RALB: variants seen among roughly 807,000 people sequenced by gnomAD.
RALB encodes the protein ras-related protein Ral-B.
A neutral mutation model predicts 21.3 loss-of-function variants in RALB; 16 were observed. The observed-to-expected ratio is 0.75, with a 90% CI of 0.51 to 1.14. The LOEUF (loss-of-function observed/expected upper bound fraction) is 1.14, where lower values mean the gene tolerates loss of function less well. RALB is among the 50% of genes most tolerant of loss of function. RALB has a pLI of 0.00. For synonymous variants in RALB, 93 were observed against 96.1 expected, an observed-to-expected ratio of 0.97 and a Z score of 0.19; for missense variants, 161 against 256.2, an observed-to-expected ratio of 0.63 and a Z score of 2.54.
At chr2:120,285,536 T>A (rs1690109247) in intron 2 of RALB, among the ~76,000 whole-genome samples, 1 of 151,512 alleles carries the variant, frequency 6.6e-6, no homozygotes, top group Non-Finnish European at 1.5e-5. Flanking sequence ...AACCTGCACA[T>A]TGTGCATATG....
intron 1 of RALB, among the ~76,000 whole-genome samples, chr2:120,260,613 G>A (rs1222171819): frequency 6.6e-5 from 10 of 152,330 alleles, no homozygotes; most frequent in South Asian, 2.1e-4. Context: ...GGCAAGTGGC[G>A]CCGAGAAAGG....
In RALB at chr2:120,285,862, T is replaced by G; in HGVS notation, c.115-12T>G. On this transcript the variant is annotated splice_polypyrimidine_tract_variant and intron_variant, in intron 2 of 4. Coordinates refer to ENST00000272519, the MANE Select transcript of RALB (RefSeq NM_002881.3). ...AGACTTTGTTAATTACCGATAATGTTTATTTCCTCAGTTTGTAGAAGACTA... is the reference window on the plus strand; with the variant it reads ...AGACTTTGTTAATTACCGATAATGTGTATTTCCTCAGTTTGTAGAAGACTA... 1 of 1,608,420 alleles carries G rather than the reference T, an allele frequency of 6.2e-7. No individual in the cohort carries two copies. Among genetic ancestry groups the G allele is most frequent in the Non-Finnish European group, 8.5e-7 (1 of 1,175,042 alleles).
intron 3 of RALB, among the ~76,000 whole-genome samples, chr2:120,288,309 T>C (rs1055762631): frequency 5.3e-5 from 8 of 151,430 alleles, no homozygotes; most frequent in Non-Finnish European, 1.0e-4. Flanking sequence ...ATATTTGATG[T>C]CTGGCACTTA....
chr2:120,244,720 G>A (rs923952342), intron 1 of RALB, among the ~76,000 whole-genome samples: 14 of 152,198 alleles, frequency 9.2e-5, no homozygotes, highest in African/African-American at 2.4e-4. Flanking sequence ...CCACTTTGAT[G>A]TATAACACCC....
At chr2:120,245,695 G>A (rs973179747) in intron 1 of RALB, among the ~76,000 whole-genome samples, 1 of 152,132 alleles carries the variant, frequency 6.6e-6, no homozygotes, top group African/African-American at 2.4e-5. Flanking sequence ...CTGCCTGCAC[G>A]GGTTGTGCAA....
chr2:120,286,108 G>C lies in RALB; in HGVS notation c.323+26G>C, dbSNP rs754158917. The C allele has an allele frequency of 2.5e-6, 4 of 1,606,442 alleles. No homozygotes were observed. In the Admixed American group the frequency reaches 6.7e-5, roughly 27 times the overall value. On this transcript the variant is annotated intron_variant, in intron 3 of 4. Transcript: ENST00000272519. ...GTATGTCTGAAATGAAATAGCAGAA[G>C]CCCCCAGGAAGCTTTTTGCCTTTTC...
At chr2:120,246,211 G>A (rs1017341525) in intron 1 of RALB, among the ~76,000 whole-genome samples, 1 of 152,262 alleles carries the variant, frequency 6.6e-6, no homozygotes, top group Admixed American at 6.5e-5. Context: ...GACAGAGGCT[G>A]CATGGTGCTT....
intron 1 of RALB, among the ~76,000 whole-genome samples, chr2:120,246,518 A>G (rs1438335510): frequency 1.3e-5 from 2 of 152,208 alleles, no homozygotes; most frequent in African/African-American, 2.4e-5. Context: ...GCCCACCACC[A>G]ACATCCTTTC....
intron 1 of RALB, chr2:120,253,230 C>T: frequency 2.6e-6 from 1 of 380,798 alleles, no homozygotes; most frequent in Non-Finnish European, 3.6e-6. Flanking sequence ...GCGGCCTCCG[C>T]CTCTCCCTTG....
At position 120,289,733 on chromosome 2, in the gene RALB, G is replaced by A. The variant is rs146299608; in HGVS notation, c.477G>A (p.Ala159=). Residue 159 remains alanine, a synonymous_variant, in exon 4 of 5, where the codon GCG becomes GCA. Transcript: ENST00000272519. ...GCGTGCAGTACGTGGAGACGTCAGCGAAGACCCGGGCCAACGTGGACAAGG... is the reference window on the plus strand; with the variant it reads ...GCGTGCAGTACGTGGAGACGTCAGCAAAGACCCGGGCCAACGTGGACAAGG... ...EWGVQYVETS[A]KTRANVDKVF... is the part of the protein sequence containing the mutation. 12 of 1,610,512 alleles carry A rather than the reference G, an allele frequency of 7.5e-6. 1 individual carries two copies. Among genetic ancestry groups the A allele is most frequent in the African/African-American group, 4.0e-5 (3 of 74,904 alleles).
intron 2 of RALB, among the ~76,000 whole-genome samples, chr2:120,283,976 A>G (rs1356265783): frequency 1.3e-5 from 2 of 152,232 alleles, no homozygotes; most frequent in Non-Finnish European, 2.9e-5. Flanking sequence ...TTCTGTGTCA[A>G]AGGAGCCAGT....
intron 1 of RALB, among the ~76,000 whole-genome samples, chr2:120,277,876 C>T (rs547503311): frequency 1.4e-5 from 1 of 73,992 alleles, no homozygotes; most frequent in African/African-American, 5.8e-5. Context: ...AATGTGAGAA[C>T]ATGAGTGTGA....
At chr2:120,282,249 C>T (rs983737317) in intron 2 of RALB, among the ~76,000 whole-genome samples, 29 of 152,082 alleles carry the variant, frequency 1.9e-4, no homozygotes, top group South Asian at 8.3e-4. Context: ...GAGGCCGAGG[C>T]GGGCAGATCA....
chr2:120,260,189 AG>A (rs1689325258), intron 1 of RALB, among the ~76,000 whole-genome samples: 2 of 152,226 alleles, frequency 1.3e-5, no homozygotes, highest in Non-Finnish European at 2.9e-5. Flanking sequence ...CAGCCCAGAA[AG>A]GGGTTCCCGC....
chr2:120,269,427 G>A (rs906276086), intron 1 of RALB, among the ~76,000 whole-genome samples: 4 of 152,212 alleles, frequency 2.6e-5, no homozygotes, highest in Non-Finnish European at 5.9e-5. Context: ...GGTTGCTGCT[G>A]CTGGCTGGGG....
At chr2:120,289,244 GTT>G (rs11344022) in intron 3 of RALB, among the ~76,000 whole-genome samples, 62 of 134,930 alleles carry the variant, frequency 4.6e-4, no homozygotes, top group African/African-American at 1.6e-3. Context: ...TCTTCTTTTT[GTT>G]TTTTTTTTTG....
chr2:120,240,277 T>G (rs1308886190), intron 1 of RALB, among the ~76,000 whole-genome samples: 1 of 139,802 alleles, frequency 7.2e-6, no homozygotes, highest in African/African-American at 3.1e-5. Context: ...GCTGCTACTT[T>G]TTTATTTTTA....
intron 3 of RALB, among the ~76,000 whole-genome samples, chr2:120,288,155 A>G (rs1202253960): frequency 6.6e-6 from 1 of 152,102 alleles, no homozygotes; most frequent in Non-Finnish European, 1.5e-5. Flanking sequence ...CCAGAAAGCT[A>G]TCAGTTTTTA....
intron 4 of RALB, among the ~76,000 whole-genome samples, chr2:120,290,420 A>T (rs1558958696): frequency 6.6e-6 from 1 of 152,192 alleles, no homozygotes; most frequent in Non-Finnish European, 1.5e-5. Context: ...CTTGCTCTTC[A>T]GGAGCAGGGT....
Sources: allele counts gnomAD v4.1 joint callset (sites outside exome capture counted in the v4.1 genomes callset), GRCh38; gene constraint gnomAD v4.1.1; transcripts MANE v1.5; gene names NCBI Gene and HGNC (gene_info 2026-07-23, HGNC 2026-07-21).